The following TUT7 variants were observed in gnomAD, a reference collection of about 807,000 sequenced individuals.
TUT7 encodes the protein terminal uridylyl transferase 7, also known as terminal uridylyltransferase 7.
TUT7 carries 33 observed loss-of-function variants against 165.9 expected under a neutral mutation model. That is an observed-to-expected ratio of 0.20 (90% CI 0.15 to 0.27). TUT7 has a LOEUF of 0.27. TUT7 is among the 10% of genes least tolerant of loss of function. The pLI is 1.00. For missense variants in TUT7, 1,338 were observed against 1,762.3 expected (o/e 0.76, Z 4.31); for synonymous variants, 552 against 608.1 (o/e 0.91, Z 1.36).
intron 4 of TUT7, 109 bp from the exon 5 acceptor site, chr9:86,345,263 C>T (rs1564096829): frequency 1.0e-6 from 1 of 998,772 alleles, no homozygotes; most frequent in Non-Finnish European, 1.4e-6. Flanking sequence ...GCCCTCCCTT[C>T]TCATTTTAGC....
chr9:86,319,419 C>T (rs115388139), intron 15 of TUT7, among the ~76,000 whole-genome samples, 165 bp downstream of exon 15: 159 of 152,300 alleles, frequency 1.0e-3, no homozygotes, highest in African/African-American at 3.7e-3. Flanking sequence ...AAACCCTACA[C>T]TGTTTCTGTT....
intron 2 of TUT7, among the ~76,000 whole-genome samples, chr9:86,351,275 A>C (rs1832281165): frequency 6.6e-6 from 1 of 152,126 alleles, no homozygotes. Flanking sequence ...GTCTCTATTA[A>C]AAATACAAAA....
intron 24 of TUT7, among the ~76,000 whole-genome samples, chr9:86,304,205 C>T (rs1452905286): frequency 2.0e-5 from 3 of 152,068 alleles, no homozygotes; most frequent in Non-Finnish European, 4.4e-5. Flanking sequence ...CAAATCATCA[C>T]GTTGTGCTCC....
intron 22 of TUT7, 75 bp downstream of exon 22, chr9:86,308,354 G>A: frequency 7.3e-7 from 1 of 1,370,854 alleles, no homozygotes; most frequent in Non-Finnish European, 9.9e-7. Flanking sequence ...GAAGAGCTCT[G>A]CAAGGAGGAA....
chr9:86,306,674 G>T (rs1185538287), intron 22 of TUT7, among the ~76,000 whole-genome samples: 1 of 152,126 alleles, frequency 6.6e-6, no homozygotes, highest in Non-Finnish European at 1.5e-5. Context: ...AGGCTTGGTG[G>T]TGTGTGCCTG....
At chr9:86,300,620 A>G (rs996072966) in intron 26 of TUT7, among the ~76,000 whole-genome samples, 1 of 152,196 alleles carries the variant, frequency 6.6e-6, no homozygotes, top group African/African-American at 2.4e-5. Flanking sequence ...CATTTCACCC[A>G]TTTAGCAAAA....
intron 26 of TUT7, among the ~76,000 whole-genome samples, chr9:86,291,924 A>T (rs545728897): frequency 6.6e-6 from 1 of 152,356 alleles, no homozygotes; most frequent in African/African-American, 2.4e-5. Context: ...TAATAACAGC[A>T]GAATATTGAA....
intron 6 of TUT7, among the ~76,000 whole-genome samples, chr9:86,342,367 G>A (rs1831394983): frequency 6.6e-6 from 1 of 152,132 alleles, no homozygotes; most frequent in South Asian, 2.1e-4. Flanking sequence ...GGAACTAACA[G>A]CAGAGAAATG....
rs1312430998 is a variant in TUT7, at chr9:86,346,290, G to C, written c.702+9C>G. 6.2e-7 allele frequency: 1 copy of C among 1,610,072 alleles called. No homozygotes were observed. Among genetic ancestry groups the C allele is most frequent in the South Asian group, 1.1e-5 (1 of 90,374 alleles). ...TTCTAACCAACAAATATATATATAA[G>C]GATGTTACCCTTTTTAGCCTGTCAA... On this transcript the variant is annotated intron_variant, in intron 3 of 26. Transcript: ENST00000375963.
At chr9:86,353,696 A>T (rs1832497158) in intron 1 of TUT7, among the ~76,000 whole-genome samples, 1 of 152,128 alleles carries the variant, frequency 6.6e-6, no homozygotes, top group Non-Finnish European at 1.5e-5. Flanking sequence ...GGAGTACTAC[A>T]TTTCTCAACT....
Position 86,351,672 on chromosome 9 carries a change from G to A in TUT7, c.520+1008C>T, listed in dbSNP as rs575653929. ...GTAACCAGTGTATGAACTGGCCACT[G>A]TGAGATAACATGAAGAGAAAAGGCA... On this transcript the variant is annotated intron_variant, in intron 2 of 26. Coordinates refer to ENST00000375963, the MANE Select transcript of TUT7 (RefSeq NM_024617.4). 6.6e-5 allele frequency among the ~76,000 whole-genome samples: 10 copies of A among 152,280 alleles called. No homozygotes were observed. In the South Asian group the frequency reaches 8.3e-4, roughly 13 times the overall value.
intron 26 of TUT7, among the ~76,000 whole-genome samples, chr9:86,300,633 G>C (rs755624397): frequency 6.6e-6 from 1 of 152,114 alleles, no homozygotes; most frequent in African/African-American, 2.4e-5. Context: ...TAGCAAAAAT[G>C]GCCAATTTGT....
intron 8 of TUT7, among the ~76,000 whole-genome samples, chr9:86,339,603 TGAA>T (rs1249339971): frequency 6.6e-6 from 1 of 152,160 alleles, no homozygotes; most frequent in Non-Finnish European, 1.5e-5. Flanking sequence ...ATGTACCTAA[TGAA>T]GAATCATTAC....
intron 2 of TUT7, among the ~76,000 whole-genome samples, chr9:86,346,733 G>A (rs1831803343): frequency 6.6e-6 from 1 of 152,060 alleles, no homozygotes; most frequent in Non-Finnish European, 1.5e-5. Context: ...CATACAATTT[G>A]ATTTTTATTA....
At chr9:86,339,592 A>G (rs1831154346) in intron 8 of TUT7, among the ~76,000 whole-genome samples, 1 of 152,152 alleles carries the variant, frequency 6.6e-6, no homozygotes, top group South Asian at 2.1e-4. Context: ...GAGTTGGAGG[A>G]ATGTACCTAA....
In TUT7 at chr9:86,325,502, A is replaced by G. The variant is rs780541304; in HGVS notation, c.1621T>C (p.Leu541=). 4.3e-6 allele frequency: 7 copies of G among 1,613,476 alleles called. No individual in the cohort carries two copies. Among genetic ancestry groups the G allele is most frequent in the South Asian group, 3.3e-5 (3 of 91,038 alleles). ...PIKRGQVSLI[L]DVKHQPSVPV... ...ACTGAAGGCTGGTGTTTCACATCCA[A>G]TATTAATGACACCTATTAATAGCAA... Residue 541 remains leucine, a synonymous_variant, in exon 12 of 27, where the codon TTG becomes CTG. Coordinates refer to ENST00000375963, the MANE Select transcript of TUT7 (RefSeq NM_024617.4).
Position 86,352,852 on chromosome 9 carries a change from G to C in TUT7, c.348C>G (p.Phe116Leu). Residue 116 changes from phenylalanine (F) to leucine (L), a missense_variant, in exon 2 of 27, where the codon TTC becomes TTG. Phe to Leu is a conservative substitution (Grantham distance 22, BLOSUM62 0). Transcript: ENST00000375963. The stretch of plus-strand genomic sequence containing the variant: ...TAACAGGAATTCTAGGTCCAGGTTT[G>C]AATTCTCTCCAGTTGTCTGAATTAC... Reference protein sequence around the residue: ...HTGNSDNWREFKPGPRIPVIN... With the variant: ...HTGNSDNWRELKPGPRIPVIN... 1 of 1,614,164 alleles carries C rather than the reference G, an allele frequency of 6.2e-7. No individual in the cohort carries two copies. Among genetic ancestry groups the C allele is most frequent in the Non-Finnish European group, 8.5e-7 (1 of 1,180,026 alleles).
At chr9:86,322,844 G>A in intron 13 of TUT7, 29 bp downstream of exon 13, 1 of 1,540,964 alleles carries the variant, frequency 6.5e-7, no homozygotes, top group African/African-American at 1.4e-5. Flanking sequence ...AAGTCTCCTA[G>A]TTCTATGACT....
In TUT7 at chr9:86,309,455, A is replaced by G. The variant is rs1358855062; in HGVS notation, c.3582+8T>C. 1 of 1,597,206 alleles carries G rather than the reference A, an allele frequency of 6.3e-7. No homozygotes were observed. Among genetic ancestry groups the G allele is most frequent in the East Asian group, 2.2e-5 (1 of 44,778 alleles). ...CCAGATAAGAAATACAATTTCATTC[A>G]CTAATACCTCTTGAAGGACAGGAAT... On this transcript the variant is annotated splice_region_variant and intron_variant, in intron 20 of 26. Transcript: ENST00000375963.
Sources: gnomAD v4.1 joint callset for allele counts (sites outside exome capture counted in the v4.1 genomes callset) on GRCh38, gnomAD v4.1.1 for gene constraint, MANE v1.5 for transcripts, NCBI Gene and HGNC (gene_info 2026-07-23, HGNC 2026-07-21) for gene names.